CDH12: variants seen among roughly 807,000 people sequenced by gnomAD.
CDH12 encodes the protein cadherin-12.
In CDH12, 41 loss-of-function variants were observed where a neutral mutation model predicts 74.1. That is an observed-to-expected ratio of 0.55 (90% CI 0.43 to 0.72). CDH12 has a LOEUF of 0.72. CDH12 is among the 30% of genes least tolerant of loss of function. CDH12 has a pLI of 0.00. For missense variants in CDH12, 945 were observed against 977.2 expected (o/e 0.97, Z 0.44); for synonymous variants, 399 against 355.0 (o/e 1.12, Z -1.39).
At chr5:21,994,262 G>A (rs1419250412) in intron 5 of CDH12, among the ~76,000 whole-genome samples, 1 of 151,942 alleles carries the variant, frequency 6.6e-6, no homozygotes, top group African/African-American at 2.4e-5. Context: ...TTCTAAAAAT[G>A]GAGAAAATAG....
rs562264454 is a variant in CDH12 at position 22,293,791 on chromosome 5, T to C, written c.-332-81148A>G. 2.6e-5 allele frequency among the ~76,000 whole-genome samples: 4 copies of C among 152,248 alleles called. No individual in the cohort carries two copies. The East Asian group carries it at 7.7e-4, about 29-fold the overall frequency. On this transcript the variant is annotated intron_variant, in intron 3 of 14. Coordinates refer to ENST00000382254, the MANE Select transcript of CDH12 (RefSeq NM_004061.5). ...TCATTTACATATCTAAAAACATAAT[T>C]GATCTCACAGAAGTAGAGAGTAGGA...
intron 3 of CDH12, among the ~76,000 whole-genome samples, chr5:22,259,080 T>C (rs1364277982): frequency 6.6e-6 from 1 of 152,202 alleles, no homozygotes; most frequent in East Asian, 1.9e-4. Flanking sequence ...GGATATTTTA[T>C]ACCAACAGCA....
chr5:22,021,624 T>A (rs1737983303), intron 5 of CDH12, among the ~76,000 whole-genome samples: 1 of 152,202 alleles, frequency 6.6e-6, no homozygotes, highest in South Asian at 2.1e-4. Flanking sequence ...TTCAGTATAG[T>A]ACTTGATAAA....
intron 3 of CDH12, among the ~76,000 whole-genome samples, chr5:22,270,257 C>T (rs929847517): frequency 2.0e-5 from 3 of 152,076 alleles, no homozygotes; most frequent in South Asian, 2.1e-4. Flanking sequence ...AAAACTAATA[C>T]TAACTTGAAG....
At chr5:22,778,988 G>GTAAGAGATATA (rs1175664477) in intron 1 of CDH12, among the ~76,000 whole-genome samples, 2 of 152,060 alleles carry the variant, frequency 1.3e-5, no homozygotes, top group East Asian at 3.8e-4. Flanking sequence ...AGGCTGTCCA[G>GTAAGAGATATA]AATTTCTCTT....
At chr5:22,189,563 C>T (rs1213406015) in intron 4 of CDH12, among the ~76,000 whole-genome samples, 3 of 151,576 alleles carry the variant, frequency 2.0e-5, no homozygotes, top group South Asian at 4.2e-4. Context: ...AGTAGATATT[C>T]GATCTGTACA....
intron 11 of CDH12, among the ~76,000 whole-genome samples, chr5:21,779,930 T>C (rs998391577): frequency 2.0e-5 from 3 of 152,174 alleles, no homozygotes; most frequent in Admixed American, 6.6e-5. Context: ...CACTTGATAG[T>C]GTTTAGCCTC....
At chr5:22,510,819 T>C (rs918577389) in intron 1 of CDH12, among the ~76,000 whole-genome samples, 2 of 152,148 alleles carry the variant, frequency 1.3e-5, no homozygotes, top group Non-Finnish European at 2.9e-5. Context: ...ACAGGTTTCT[T>C]TAATTATATC....
chr5:22,714,918 A>G (rs1324439006), intron 1 of CDH12, among the ~76,000 whole-genome samples: 2 of 152,162 alleles, frequency 1.3e-5, no homozygotes, highest in Non-Finnish European at 2.9e-5. Context: ...CACTTTTTAG[A>G]TGGAATACTG....
At chr5:21,808,583 G>C (rs1315809087) in intron 9 of CDH12, among the ~76,000 whole-genome samples, 1 of 151,844 alleles carries the variant, frequency 6.6e-6, no homozygotes, top group African/African-American at 2.4e-5. Flanking sequence ...TTTATACCAG[G>C]CTGAACCAGG....
chr5:22,198,828 T>C (rs1439541341), intron 4 of CDH12, among the ~76,000 whole-genome samples: 1 of 152,136 alleles, frequency 6.6e-6, no homozygotes, highest in East Asian at 1.9e-4. Flanking sequence ...AATCACCCTC[T>C]TTACCAATCC....
At chr5:22,747,623 A>AG (rs777347019) in intron 1 of CDH12, among the ~76,000 whole-genome samples, 12 of 150,766 alleles carry the variant, frequency 8.0e-5, no homozygotes, top group African/African-American at 1.5e-4. Context: ...AAAAAAAAAA[A>AG]AGAGAAGAAA....
At chr5:22,009,771 A>G (rs1430063288) in intron 5 of CDH12, among the ~76,000 whole-genome samples, 2 of 152,102 alleles carry the variant, frequency 1.3e-5, no homozygotes, top group East Asian at 3.9e-4. Flanking sequence ...TGAGTCCAAG[A>G]GTTCCAGACC....
chr5:22,587,448 A>G (rs1253848139), intron 1 of CDH12, among the ~76,000 whole-genome samples: 1 of 152,174 alleles, frequency 6.6e-6, no homozygotes, highest in African/African-American at 2.4e-5. Context: ...GAAACTATTC[A>G]TGTTCCTGGG....
At chr5:22,265,559 C>G (rs1310909925) in intron 3 of CDH12, among the ~76,000 whole-genome samples, 1 of 152,024 alleles carries the variant, frequency 6.6e-6, no homozygotes, top group African/African-American at 2.4e-5. Flanking sequence ...TTATGTGGCT[C>G]TATTGTTTTA....
At chr5:22,088,418 C>T (rs534566210) in intron 4 of CDH12, among the ~76,000 whole-genome samples, 2 of 152,054 alleles carry the variant, frequency 1.3e-5, no homozygotes, top group African/African-American at 4.8e-5. Flanking sequence ...CCTCTCCTTG[C>T]CTTAGGTTTC....
At chr5:22,417,385 G>C (rs1298807614) in intron 2 of CDH12, among the ~76,000 whole-genome samples, 1 of 152,150 alleles carries the variant, frequency 6.6e-6, no homozygotes, top group African/African-American at 2.4e-5. Flanking sequence ...GATAAGTTCA[G>C]GAGTGAGTTG....
intron 3 of CDH12, among the ~76,000 whole-genome samples, chr5:22,306,300 G>C (rs1738109558): frequency 6.6e-6 from 1 of 151,954 alleles, no homozygotes; most frequent in Non-Finnish European, 1.5e-5. Flanking sequence ...GGTACACAGA[G>C]ACACAGAGAA....
At position 21,949,449 on chromosome 5, in the gene CDH12, CAAAAAAA is replaced by C. The variant is rs201292632; in HGVS notation, c.526+25635_526+25641del. 7.9e-3 allele frequency among the ~76,000 whole-genome samples: 660 copies of C among 83,786 alleles called. 26 individuals carry two copies. In the East Asian group the frequency reaches 0.18, roughly 23 times the overall value. 55.0% of individuals were successfully genotyped at this position (83,786 alleles called of 152,430 possible). A position where few individuals can be genotyped will look rare whatever the true frequency, so the allele number is the denominator to read the frequency against. ...TGTGCGACAGAACGAGACTCTGTCT[CAAAAAAA>C]AAAAAAAAAAAGAAATAGGCAACTG... is the stretch of plus-strand genomic sequence containing the variant. On this transcript the variant is annotated intron_variant, in intron 6 of 14. Coordinates refer to ENST00000382254, the MANE Select transcript of CDH12 (RefSeq NM_004061.5).
Sources: gnomAD v4.1 joint callset for allele counts (sites outside exome capture counted in the v4.1 genomes callset) on GRCh38, gnomAD v4.1.1 for gene constraint, MANE v1.5 for transcripts, NCBI Gene and HGNC (gene_info 2026-07-23, HGNC 2026-07-21) for gene names.